The following NHSL1 variants were observed in gnomAD, a reference collection of about 807,000 sequenced individuals.
The protein encoded by NHSL1 is NHS-like protein 1.
A neutral mutation model predicts 95.0 loss-of-function variants in NHSL1; 48 were observed. The ratio of observed to expected loss-of-function variants is 0.51; its 90% CI spans 0.40 to 0.64. The LOEUF is 0.64. NHSL1 is among the 30% of genes least tolerant of loss of function. NHSL1 has a pLI of 0.00. For synonymous variants in NHSL1, 783 were observed against 833.9 expected, an observed-to-expected ratio of 0.94 and a Z score of 1.05; for missense variants, 1,971 against 2,077.7, an observed-to-expected ratio of 0.95 and a Z score of 1.00.
intron 3 of NHSL1, 46 bp from the exon 4 acceptor site, chr6:138,447,239 C>G: frequency 7.0e-7 from 1 of 1,419,800 alleles, no homozygotes; most frequent in Non-Finnish European, 9.5e-7. Flanking sequence ...AAAGAGCTGG[C>G]AGAAACATTT....
intron 1 of NHSL1, among the ~76,000 whole-genome samples, chr6:138,532,505 G>C (rs1245507400): frequency 6.6e-6 from 1 of 152,118 alleles, no homozygotes; most frequent in African/African-American, 2.4e-5. Flanking sequence ...GTGACCCAAG[G>C]GCTGGAGAGA....
At chr6:138,580,934 G>C (rs1784045451) in intron 1 of NHSL1, among the ~76,000 whole-genome samples, 1 of 152,220 alleles carries the variant, frequency 6.6e-6, no homozygotes, top group African/African-American at 2.4e-5. Context: ...GAGAAGCAGG[G>C]GGAGGTTTCA....
intron 1 of NHSL1, among the ~76,000 whole-genome samples, chr6:138,592,654 C>G (rs571528904): frequency 6.6e-6 from 1 of 151,934 alleles, no homozygotes; most frequent in Non-Finnish European, 1.5e-5. Flanking sequence ...AAAACCCCTA[C>G]ATATCCAGAA....
chr6:138,557,402 C>T (rs1012203227), intron 1 of NHSL1, among the ~76,000 whole-genome samples: 5 of 152,058 alleles, frequency 3.3e-5, no homozygotes, highest in Non-Finnish European at 5.9e-5. Flanking sequence ...CACTGGGTTA[C>T]CCAGACCCCC....
rs563499554 is a variant in NHSL1, at chr6:138,664,752, GGCTCATGCAATTGTCGGA to G, written c.96+27706_96+27723del. Reference sequence around the variant, plus strand: ...AAAAGAAAGATTTATTTTTAAAATTGGCTCATGCAATTGTCGGAGCTGGCTAATCTGAAATCTGCAAAG... The same window carrying G: ...AAAAGAAAGATTTATTTTTAAAATTGGCTGGCTAATCTGAAATCTGCAAAG... On this transcript the variant is annotated intron_variant, in intron 1 of 3. Transcript: ENST00000491526. Among the ~76,000 whole-genome samples, 16 of 152,294 alleles carry G rather than the reference GGCTCATGCAATTGTCGGA, an allele frequency of 1.1e-4. No individual in the cohort carries two copies. In the South Asian group the frequency reaches 3.3e-3, roughly 32 times the overall value.
intron 2 of NHSL1, among the ~76,000 whole-genome samples, chr6:138,483,686 T>C (rs149317829): frequency 6.6e-6 from 1 of 152,282 alleles, no homozygotes; most frequent in East Asian, 1.9e-4. Flanking sequence ...GATGGATCCA[T>C]TTCAAACTAA....
intron 1 of NHSL1, among the ~76,000 whole-genome samples, chr6:138,598,068 A>T (rs1248037825): frequency 1.3e-5 from 2 of 151,186 alleles, no homozygotes; most frequent in African/African-American, 4.8e-5. Context: ...TCGGAGGCCG[A>T]GGCAGGAGGA....
intron 1 of NHSL1, among the ~76,000 whole-genome samples, chr6:138,610,842 C>T (rs1365415542): frequency 6.6e-6 from 1 of 152,104 alleles, no homozygotes; most frequent in Non-Finnish European, 1.5e-5. Context: ...ATTTGGGAGG[C>T]TGAGATGAGT....
intron 1 of NHSL1, among the ~76,000 whole-genome samples, chr6:138,513,514 A>T (rs1781324238): frequency 6.6e-6 from 1 of 152,146 alleles, no homozygotes; most frequent in Admixed American, 6.6e-5. Flanking sequence ...TGGGATGAGT[A>T]ACTTTTTGAA....
intron 1 of NHSL1, among the ~76,000 whole-genome samples, chr6:138,551,264 G>A (rs931105359): frequency 2.6e-5 from 4 of 152,162 alleles, no homozygotes; most frequent in Non-Finnish European, 5.9e-5. Flanking sequence ...ATCCCCCAAG[G>A]ATAAGGTGGG....
chr6:138,426,886 C>T (rs141979036), intron 7 of NHSL1, among the ~76,000 whole-genome samples: 129 of 152,198 alleles, frequency 8.5e-4, no homozygotes, highest in African/African-American at 3.0e-3. Flanking sequence ...GAGTTAGGAC[C>T]GGCTGACAAA....
intron 1 of NHSL1, among the ~76,000 whole-genome samples, chr6:138,612,172 A>T (rs1354573474): frequency 1.3e-5 from 2 of 151,850 alleles, no homozygotes; most frequent in Non-Finnish European, 2.9e-5. Flanking sequence ...ATGGGAGGGT[A>T]TATTAGTATT....
At chr6:138,578,379 C>T (rs1784001698) in intron 1 of NHSL1, among the ~76,000 whole-genome samples, 2 of 152,190 alleles carry the variant, frequency 1.3e-5, no homozygotes, top group African/African-American at 4.8e-5. Context: ...GGTAAAGAAG[C>T]CGCCACTGAC....
chr6:138,600,975 A>G (rs1395200922), intron 1 of NHSL1, among the ~76,000 whole-genome samples: 1 of 152,258 alleles, frequency 6.6e-6, no homozygotes, highest in Non-Finnish European at 1.5e-5. Context: ...ATCATTTGAA[A>G]GTATTTTCTC....
intron 1 of NHSL1, among the ~76,000 whole-genome samples, chr6:138,510,000 T>C (rs1025744804): frequency 2.0e-5 from 3 of 152,194 alleles, no homozygotes; most frequent in Non-Finnish European, 4.4e-5. Flanking sequence ...GATTCTGAAA[T>C]CACTCTGTCC....
chr6:138,690,899 A>T (rs1282246753), intron 1 of NHSL1, among the ~76,000 whole-genome samples: 1 of 152,230 alleles, frequency 6.6e-6, no homozygotes, highest in Non-Finnish European at 1.5e-5. Flanking sequence ...AAAGTGATAC[A>T]TTTAAATGTA....
At chr6:138,613,348 G>C (rs998747963) in intron 1 of NHSL1, among the ~76,000 whole-genome samples, 1 of 152,184 alleles carries the variant, frequency 6.6e-6, no homozygotes, top group African/African-American at 2.4e-5. Context: ...ATGTGTATTA[G>C]AAGCACACTG....
At chr6:138,670,193 T>C (rs1017542284) in intron 1 of NHSL1, among the ~76,000 whole-genome samples, 3 of 151,426 alleles carry the variant, frequency 2.0e-5, no homozygotes, top group Non-Finnish European at 4.4e-5. Context: ...CCCACAACGC[T>C]CCCACCCAGC....
chr6:138,538,935 T>A (rs898820362), intron 1 of NHSL1, among the ~76,000 whole-genome samples: 4 of 152,194 alleles, frequency 2.6e-5, no homozygotes, highest in Non-Finnish European at 5.9e-5. Flanking sequence ...ATTTCTGTTA[T>A]CATGCACCCC....
Sources: allele counts gnomAD v4.1 joint callset (sites outside exome capture counted in the v4.1 genomes callset), GRCh38; gene constraint gnomAD v4.1.1; transcripts MANE v1.5; gene names NCBI Gene and HGNC (gene_info 2026-07-23, HGNC 2026-07-21).